EYS: variants seen among roughly 807,000 people sequenced by gnomAD.
The protein encoded by EYS is protein eyes shut homolog.
A neutral mutation model predicts 282.1 loss-of-function variants in EYS; 250 were observed. That is an observed-to-expected ratio of 0.89 (90% confidence interval 0.80 to 0.98). The LOEUF is 0.98. EYS is among the 50% of genes least tolerant of loss of function. The pLI is 0.00. For synonymous variants in EYS, 1,355 were observed against 1,282.9 expected, an observed-to-expected ratio of 1.06 and a Z score of -1.20; for missense variants, 4,016 against 3,709.0, an observed-to-expected ratio of 1.08 and a Z score of -2.15.
intron 5 of EYS, among the ~76,000 whole-genome samples, chr6:65,431,695 T>G (rs537026784): frequency 6.6e-6 from 1 of 152,206 alleles, no homozygotes; most frequent in Non-Finnish European, 1.5e-5. Flanking sequence ...TCAATTTTAT[T>G]AGGTAATATC....
At chr6:64,178,753 T>TA (rs200532484) in intron 31 of EYS, among the ~76,000 whole-genome samples, 2 of 151,952 alleles carry the variant, frequency 1.3e-5, no homozygotes, top group Admixed American at 6.6e-5. Flanking sequence ...GCACCAATAA[T>TA]AAAAAAGTCA....
chr6:64,034,814 C>G (rs12110874), intron 33 of EYS, among the ~76,000 whole-genome samples: 1 of 151,814 alleles, frequency 6.6e-6, no homozygotes, highest in African/African-American at 2.4e-5. Context: ...TAATGACAAG[C>G]AACACGAGGC....
chr6:65,470,940 C>T (rs989169444), intron 5 of EYS, among the ~76,000 whole-genome samples: 2 of 152,024 alleles, frequency 1.3e-5, no homozygotes, highest in South Asian at 2.1e-4. Context: ...AGTTTGAGGC[C>T]AGCCTGTTCA....
intron 29 of EYS, among the ~76,000 whole-genome samples, chr6:64,345,979 A>G (rs1268923712): frequency 6.6e-6 from 1 of 152,206 alleles, no homozygotes; most frequent in South Asian, 2.1e-4. Flanking sequence ...CATCAGAGAA[A>G]TGCAAATCAA....
chr6:65,277,199 C>T (rs1468810439), intron 12 of EYS, among the ~76,000 whole-genome samples: 1 of 152,064 alleles, frequency 6.6e-6, no homozygotes, highest in Non-Finnish European at 1.5e-5. Context: ...CTTTGGGAGG[C>T]CAAGGTGGGT....
intron 37 of EYS, among the ~76,000 whole-genome samples, chr6:63,800,838 G>T (rs1186694641): frequency 6.6e-6 from 1 of 152,156 alleles, no homozygotes; most frequent in Non-Finnish European, 1.5e-5. Context: ...AAGAGTTAAA[G>T]ACTCAAAGAA....
At chr6:65,129,737 G>A (rs1015470390) in intron 12 of EYS, among the ~76,000 whole-genome samples, 1 of 151,516 alleles carries the variant, frequency 6.6e-6, no homozygotes, top group Admixed American at 6.6e-5. Flanking sequence ...AGTCACTGGA[G>A]GGGCAGTTTG....
chr6:64,341,690 A>C (rs1771118980), intron 29 of EYS, among the ~76,000 whole-genome samples: 1 of 151,636 alleles, frequency 6.6e-6, no homozygotes, highest in Non-Finnish European at 1.5e-5. Context: ...TTTTTTAAAA[A>C]ATGACTGCAT....
intron 28 of EYS, among the ~76,000 whole-genome samples, chr6:64,426,472 A>G (rs1424606853): frequency 2.6e-5 from 4 of 152,196 alleles, no homozygotes; most frequent in Non-Finnish European, 5.9e-5. Flanking sequence ...TTGACTTTGA[A>G]GAGGAACAGA....
At chr6:64,161,612 G>GC (rs1179379666) in intron 31 of EYS, among the ~76,000 whole-genome samples, 5 of 152,104 alleles carry the variant, frequency 3.3e-5, no homozygotes, top group African/African-American at 1.2e-4. Context: ...TTTTATGCCA[G>GC]CAAACACTGG....
intron 36 of EYS, among the ~76,000 whole-genome samples, chr6:63,816,977 T>C (rs1771194708): frequency 6.6e-6 from 1 of 152,216 alleles, no homozygotes; most frequent in African/African-American, 2.4e-5. Context: ...TTTTCTTTTA[T>C]TGCATTTTGT....
At chr6:63,913,881 G>A (rs571774901) in intron 35 of EYS, among the ~76,000 whole-genome samples, 1 of 152,220 alleles carries the variant, frequency 6.6e-6, no homozygotes, top group African/African-American at 2.4e-5. Flanking sequence ...CCTACATCAA[G>A]TCTATCAATG....
chr6:63,897,145 A>G (rs894618407), intron 35 of EYS, among the ~76,000 whole-genome samples: 1 of 152,210 alleles, frequency 6.6e-6, no homozygotes, highest in Non-Finnish European at 1.5e-5. Flanking sequence ...AGTTTAGTGT[A>G]TATCCTTCCA....
At chr6:65,168,922 C>T (rs1207608766) in intron 12 of EYS, among the ~76,000 whole-genome samples, 4 of 151,252 alleles carry the variant, frequency 2.6e-5, no homozygotes, top group African/African-American at 7.3e-5. Context: ...TCTGGATATC[C>T]ATCTTCTTAC....
At chr6:65,092,389 A>G (rs1774598353) in intron 12 of EYS, among the ~76,000 whole-genome samples, 1 of 152,214 alleles carries the variant, frequency 6.6e-6, no homozygotes, top group African/African-American at 2.4e-5. Context: ...AAAAGTAATA[A>G]CTACTCATAT....
At chr6:63,994,277 T>TA (rs1422946489) in intron 34 of EYS, among the ~76,000 whole-genome samples, 1 of 151,898 alleles carries the variant, frequency 6.6e-6, no homozygotes, top group East Asian at 1.9e-4. Flanking sequence ...AAAATTCTGA[T>TA]ACATCAGTCT....
intron 13 of EYS, among the ~76,000 whole-genome samples, chr6:65,016,637 A>C (rs546630934): frequency 2.6e-5 from 4 of 152,328 alleles, no homozygotes; most frequent in Admixed American, 2.6e-4. Context: ...AAGTTAAATA[A>C]AGTAGAATCA....
chr6:63,892,394 G>GGAACA (rs1773432609), intron 35 of EYS, among the ~76,000 whole-genome samples: 1 of 152,036 alleles, frequency 6.6e-6, no homozygotes. Flanking sequence ...ATAGACCAAT[G>GGAACA]GAACAGAACA....
chr6:64,090,073 T>G (rs994197427), intron 31 of EYS, among the ~76,000 whole-genome samples: 1 of 152,030 alleles, frequency 6.6e-6, no homozygotes, highest in Admixed American at 6.6e-5. Flanking sequence ...TCTTACTAAA[T>G]AAAACATCGT....
Sources: allele counts gnomAD v4.1 joint callset (sites outside exome capture counted in the v4.1 genomes callset), GRCh38; gene constraint gnomAD v4.1.1; transcripts MANE v1.5; gene names NCBI Gene and HGNC (gene_info 2026-07-23, HGNC 2026-07-21).